FUT1: variants seen among roughly 807,000 people sequenced by gnomAD.
FUT1 encodes galactoside alpha-(1,2)-fucosyltransferase 1.
For synonymous variants in FUT1, 215 were observed against 208.7 expected (o/e 1.03, Z -0.26); for missense variants, 476 against 492.7 (o/e 0.97, Z 0.32).
Position 48,750,684 on chromosome 19 carries a change from C to G in FUT1, c.598G>C (p.Gly200Arg), listed in dbSNP as rs1312726837. Residue 200 changes from glycine to arginine, a missense_variant, in exon 2 of 2, where the codon GGT becomes CGT. Coordinates refer to ENST00000645652, the MANE Select transcript of FUT1 (RefSeq NM_001384359.1). Reference protein sequence around the residue: ...HLREEAQSVLGQLRLGRTGDR... With the variant: ...HLREEAQSVLRQLRLGRTGDR... ...CCTGTGCGGCCCAGGCGGAGCTGAC[C>G]CAGCACACTCTGCGCCTCTTCCCGA... 1.9e-6 allele frequency: 3 copies of G among 1,613,188 alleles called. No homozygotes were observed. The highest frequency in any genetic ancestry group is 1.7e-5 in the Admixed American group (1 of 60,024).
In FUT1 at chr19:48,750,325, G is replaced by T; in HGVS notation, c.957C>A (p.Gly319=). 6.2e-7 allele frequency: 1 copy of T among 1,614,196 alleles called. No homozygotes were observed. The highest frequency in any genetic ancestry group is 8.5e-7 in the Non-Finnish European group (1 of 1,180,046). ...AGTTGGCCAGGTAGACAGTGTCTCC[G>T]CCAGCCAGGTAGGCAGCCCAGAAGC... ...TFGFWAAYLA[G]GDTVYLANFT... Residue 319 remains glycine (G), a synonymous_variant, in exon 2 of 2, where the codon GGC becomes GGA. Coordinates refer to ENST00000645652, the MANE Select transcript of FUT1 (RefSeq NM_001384359.1).
At chr19:48,752,845 C>T (rs967896284), upstream of FUT1, 115 of 985,462 alleles carry the variant, frequency 1.2e-4, no homozygotes, top group Admixed American at 5.5e-4. This position sits in a 1 kb window ranked among gnomAD's most constrained non-coding sequence, Gnocchi z 4.3. Context: ...CCCTGCCCCT[C>T]CGCCCCGTCA....
rs1452499992 is a variant in FUT1, at chr19:48,752,577, C to G, written c.-90G>C. The G allele has an allele frequency of 2.0e-6, 2 of 985,400 alleles. No homozygotes were observed. Among genetic ancestry groups the G allele is most frequent in the Admixed American group, 6.1e-5 (1 of 16,272 alleles). 61.0% of individuals were successfully genotyped at this position (985,400 alleles called of 1,614,324 possible). A position where few individuals can be genotyped will look rare whatever the true frequency, so the allele number is the denominator to read the frequency against. On this transcript the variant is annotated 5_prime_UTR_variant, in exon 1 of 2. Coordinates refer to ENST00000645652, the MANE Select transcript of FUT1 (RefSeq NM_001384359.1). The surrounding 1 kb of genome is among the most constrained non-coding windows in gnomAD (Gnocchi z 4.3). ...AAAGGCAGGCCACATCCGGCCGCCCCTGGAACGCCAGGCGTCCGGCTATCC... is the reference window on the plus strand; with the variant it reads ...AAAGGCAGGCCACATCCGGCCGCCCGTGGAACGCCAGGCGTCCGGCTATCC...
upstream of FUT1, chr19:48,753,088 G>T: frequency 5.7e-6 from 1 of 175,988 alleles, no homozygotes; most frequent in Non-Finnish European, 1.1e-5. Context: ...TGGTCCCGGC[G>T]AGTGGAGCGA....
At chr19:48,754,675 A>G (rs974156384), upstream of FUT1, among the ~76,000 whole-genome samples, 13 of 152,184 alleles carry the variant, frequency 8.5e-5, no homozygotes, top group African/African-American at 3.1e-4. Context: ...GATCATCTCT[A>G]TATCTAATTT....
At chr19:48,751,716 C>G (rs901106938) in intron 1 of FUT1, among the ~76,000 whole-genome samples, 1 of 152,136 alleles carries the variant, frequency 6.6e-6, no homozygotes, top group African/African-American at 2.4e-5. Context: ...CTTTGGGAGG[C>G]CAAGGTGGGT....
rs768642019 is a variant in FUT1, at chr19:48,750,189, G to T, written c.1093C>A (p.Pro365Thr). ...DLSPLWTLAKP is the reference protein window; with the variant it reads ...DLSPLWTLAKT ...TCAGAAAGTCTCCCTGGCTCTCAAG[G>T]CTTAGCCAATGTCCAGAGTGGAGAC... Residue 365 changes from proline to threonine, a missense_variant, in exon 2 of 2, where the codon CCT (proline) becomes ACT (threonine). By Grantham distance (38) the Pro-to-Thr change is conservative. Coordinates refer to ENST00000645652, the MANE Select transcript of FUT1 (RefSeq NM_001384359.1). 6.2e-7 allele frequency: 1 copy of T among 1,608,762 alleles called. No individual in the cohort carries two copies. The highest frequency in any genetic ancestry group is 8.5e-7 in the Non-Finnish European group (1 of 1,177,662).
chr19:48,752,383 C>CT lies in FUT1; in HGVS notation c.-3+106dup, dbSNP rs1312795283. 1.5e-6 allele frequency: 1 copy of CT among 683,158 alleles called. No homozygotes were observed. The highest frequency in any genetic ancestry group is 1.8e-6 in the Non-Finnish European group (1 of 553,510). 42.3% of individuals were successfully genotyped at this position (683,158 alleles called of 1,614,324 possible). A position where few individuals can be genotyped will look rare whatever the true frequency, so the allele number is the denominator to read the frequency against. On this transcript the variant is annotated intron_variant, in intron 1 of 1. Coordinates refer to ENST00000645652, the MANE Select transcript of FUT1 (RefSeq NM_001384359.1). This position sits in a 1 kb window ranked among gnomAD's most constrained non-coding sequence, Gnocchi z 4.3. ...ATGGCTGGGGAGGTGGCGGAGATTC[C>CT]TAGGGCCTTAGGAAGACCTGGAGAA...
Position 48,749,379 on chromosome 19 carries a change from G to T in FUT1, c.*805C>A, listed in dbSNP as rs2033959512. Reference sequence around the variant, plus strand: ...GCCAGTAATCCCAGCACTTTGGGAGGCCAAGACAGGTGGATGACAAGGTCA... The same window carrying T: ...GCCAGTAATCCCAGCACTTTGGGAGTCCAAGACAGGTGGATGACAAGGTCA... On this transcript the variant is annotated 3_prime_UTR_variant, in exon 2 of 2. Coordinates refer to ENST00000645652, the MANE Select transcript of FUT1 (RefSeq NM_001384359.1). The T allele has an allele frequency of 6.6e-6, 1 of 152,032 alleles. No individual in the cohort carries two copies. Among genetic ancestry groups the T allele is most frequent in the Admixed American group, 6.6e-5 (1 of 15,254 alleles). 9.4% of individuals were successfully genotyped at this position (152,032 alleles called of 1,614,324 possible). A position where few individuals can be genotyped will look rare whatever the true frequency, so the allele number is the denominator to read the frequency against.
At position 48,749,799 on chromosome 19, in the gene FUT1, G is replaced by A. The variant is rs1174204426; in HGVS notation, c.*385C>T. The A allele has an allele frequency of 3.4e-6, 1 of 289,912 alleles. No individual in the cohort carries two copies. Among genetic ancestry groups the A allele is most frequent in the Non-Finnish European group, 6.6e-6 (1 of 150,666 alleles). The allele number at this position is 289,912 out of a possible 1,614,324, so 18.0% of individuals were successfully genotyped here. ...GGGGACTTGGTGAATGCTTGCTCTG[G>A]AGCAATCATATGCTCCTTCAGTCTT... On this transcript the variant is annotated 3_prime_UTR_variant, in exon 2 of 2. Coordinates refer to ENST00000645652, the MANE Select transcript of FUT1 (RefSeq NM_001384359.1).
upstream of FUT1, chr19:48,752,827 G>A (rs189422146): frequency 6.5e-5 from 64 of 985,482 alleles, no homozygotes; most frequent in East Asian, 6.5e-3. The surrounding 1 kb of genome is among the most constrained non-coding windows in gnomAD (Gnocchi z 4.3). Context: ...GGGATGCAGG[G>A]GACCGCGCCC....
Position 48,749,990 on chromosome 19 carries a change from G to A in FUT1, c.*194C>T. 2 of 680,200 alleles carry A rather than the reference G, an allele frequency of 2.9e-6. No individual in the cohort carries two copies. The highest frequency in any genetic ancestry group is 2.7e-5 in the East Asian group (1 of 36,590). The allele number at this position is 680,200 out of a possible 1,614,324, so 42.1% of individuals were successfully genotyped here. A position where few individuals can be genotyped will look rare whatever the true frequency, so the allele number is the denominator to read the frequency against. The stretch of plus-strand genomic sequence containing the variant: ...GCCAGCCATCAGGAAAAGATGTTTT[G>A]CTAGTTCTAGAATATTCAGACAGTT... On this transcript the variant is annotated 3_prime_UTR_variant, in exon 2 of 2. Transcript: ENST00000645652.
In FUT1 at chr19:48,751,219, T is replaced by C. The variant is rs1322265869; in HGVS notation, c.63A>G (p.Val21=). Residue 21 remains valine, a synonymous_variant, in exon 2 of 2, where the codon GTA becomes GTG. Transcript: ENST00000645652. ...LAFLLVCVLS[V]IFFLHIHQDS... ...CTTGATGGATATGGAGGAAGAAGAT[T>C]ACAGAGAGGACACAGACTAGCAGGA... The C allele has an allele frequency of 6.8e-6, 11 of 1,613,852 alleles. No individual in the cohort carries two copies. Among genetic ancestry groups the C allele is most frequent in the Non-Finnish European group, 8.5e-6 (10 of 1,179,998 alleles).
chr19:48,752,129 A>AG lies in FUT1; in HGVS notation c.-3+360_-3+361insC, dbSNP rs1052373045. 1.3e-4 allele frequency among the ~76,000 whole-genome samples: 20 copies of AG among 150,898 alleles called. No homozygotes were observed. The highest frequency in any genetic ancestry group is 4.4e-4 in the African/African-American group (18 of 40,978). ...TGTCTTAAAAAAAAAAAAAAAAAAAAAAAAAGAAAGTGGTCCAGGTTCCTA... is the reference window on the plus strand; with the variant it reads ...TGTCTTAAAAAAAAAAAAAAAAAAAAGAAAAAGAAAGTGGTCCAGGTTCCTA... On this transcript the variant is annotated intron_variant, in intron 1 of 1. Coordinates refer to ENST00000645652, the MANE Select transcript of FUT1 (RefSeq NM_001384359.1). The surrounding 1 kb of genome is among the most constrained non-coding windows in gnomAD (Gnocchi z 4.3).
At chr19:48,755,065 C>G (rs2034068072), upstream of FUT1, among the ~76,000 whole-genome samples, 1 of 150,468 alleles carries the variant, frequency 6.6e-6, no homozygotes, top group East Asian at 2.0e-4. Flanking sequence ...ACCCACGAGT[C>G]CAGATCCCTA....
chr19:48,750,372 T>C lies in FUT1; in HGVS notation c.910A>G (p.Ile304Val). The change falls in exon 2 of 2, where the codon ATT (isoleucine) becomes GTT (valine). Residue 304 changes from isoleucine to valine, a missense_variant. Coordinates refer to ENST00000645652, the MANE Select transcript of FUT1 (RefSeq NM_001384359.1). Reference sequence around the variant, plus strand: ...AAGCCGAAGGTGCCAATGGTCATAATGGTGTGGTTGCACTGTGTGAGCAGG... The same window carrying C: ...AAGCCGAAGGTGCCAATGGTCATAACGGTGTGGTTGCACTGTGTGAGCAGG... ...FALLTQCNHT[I>V]MTIGTFGFWA... 2.5e-6 allele frequency: 4 copies of C among 1,614,232 alleles called. No homozygotes were observed. The highest frequency in any genetic ancestry group is 3.4e-6 in the Non-Finnish European group (4 of 1,180,044).
At position 48,750,894 on chromosome 19, in the gene FUT1, C is replaced by A. The variant is rs368762099; in HGVS notation, c.388G>T (p.Val130Leu). The change falls in exon 2 of 2, where the codon GTG becomes TTG. Residue 130 changes from valine (V) to leucine (L), a missense_variant. Val to Leu is a conservative substitution (Grantham distance 32). Coordinates refer to ENST00000645652, the MANE Select transcript of FUT1 (RefSeq NM_001384359.1). Reference protein sequence around the residue: ...LAPVFRITLPVLAPEVDSRTP... With the variant: ...LAPVFRITLPLLAPEVDSRTP... ...CGGCTGTCCACTTCTGGGGCCAGCACGGGCAGGGTGATGCGGAATACCGGG... is the reference window on the plus strand; with the variant it reads ...CGGCTGTCCACTTCTGGGGCCAGCAAGGGCAGGGTGATGCGGAATACCGGG... 2 of 1,613,542 alleles carry A rather than the reference C, an allele frequency of 1.2e-6. No homozygotes were observed. Among genetic ancestry groups the A allele is most frequent in the Admixed American group, 1.7e-5 (1 of 60,026 alleles).
chr19:48,751,990 C>T lies in FUT1; in HGVS notation c.-3+500G>A, dbSNP rs369784501. On this transcript the variant is annotated intron_variant, in intron 1 of 1. Coordinates refer to ENST00000645652, the MANE Select transcript of FUT1 (RefSeq NM_001384359.1). ...ATAAAATTAGCTTGGCATGGTGGCA[C>T]ATGTCTGTGGTCTCAGCTACACCGG... Among the ~76,000 whole-genome samples the T allele has an allele frequency of 7.2e-5, 11 of 151,796 alleles. No homozygotes were observed. In the East Asian group the frequency reaches 2.1e-3, roughly 30 times the overall value.
chr19:48,749,827 G>A lies in FUT1; in HGVS notation c.*357C>T. The A allele has an allele frequency of 3.0e-6, 1 of 335,636 alleles. No individual in the cohort carries two copies. The highest frequency in any genetic ancestry group is 5.7e-6 in the Non-Finnish European group (1 of 176,270). 20.8% of individuals were successfully genotyped at this position (335,636 alleles called of 1,614,324 possible). A position where few individuals can be genotyped will look rare whatever the true frequency, so the allele number is the denominator to read the frequency against. On this transcript the variant is annotated 3_prime_UTR_variant, in exon 2 of 2. Transcript: ENST00000645652. ...CAATCATATGCTCCTTCAGTCTTTG[G>A]AGGACCCAGGGGAGAAGTAACCCCT...
Sources: allele counts gnomAD v4.1 joint callset (sites outside exome capture counted in the v4.1 genomes callset), GRCh38; gene constraint gnomAD v4.1.1; non-coding constraint Gnocchi (gnomAD v3.1); transcripts MANE v1.5; gene names NCBI Gene and HGNC (gene_info 2026-07-23, HGNC 2026-07-21).